The following LTBP1 variants were observed in gnomAD, a reference collection of about 807,000 sequenced individuals.
LTBP1 encodes latent transforming growth factor beta binding protein 1, also known as latent-transforming growth factor beta-binding protein 1.
Under a neutral mutation model 207.6 loss-of-function variants are expected in LTBP1, and 129 were observed. That is an observed-to-expected ratio of 0.62 (90% CI 0.54 to 0.72). LTBP1 has a LOEUF of 0.72. LTBP1 is among the 30% of genes least tolerant of loss of function. LTBP1 has a pLI of 0.00. For missense variants in LTBP1, 2,281 were observed against 2,217.2 expected (o/e 1.03, Z -0.58); for synonymous variants, 963 against 833.7 (o/e 1.16, Z -2.67).
intron 32 of LTBP1, among the ~76,000 whole-genome samples, chr2:33,396,450 G>GGCCTCAGGCGATCTGCCC (rs1385311345): frequency 6.6e-6 from 1 of 152,086 alleles, no homozygotes; most frequent in African/African-American, 2.4e-5. Flanking sequence ...TTGAACTCCT[G>GGCCTCAGGCGATCTGCCC]GCCTCAGGCG....
intron 31 of LTBP1, among the ~76,000 whole-genome samples, chr2:33,372,855 C>T (rs571874156): frequency 1.3e-5 from 2 of 152,214 alleles, no homozygotes; most frequent in Non-Finnish European, 2.9e-5. Context: ...CAGAGCAAGA[C>T]TTCATCTGAA....
intron 5 of LTBP1, among the ~76,000 whole-genome samples, chr2:33,161,421 C>T (rs1202456452): frequency 6.6e-6 from 1 of 152,102 alleles, no homozygotes; most frequent in African/African-American, 2.4e-5. Flanking sequence ...TGCCCGCCAC[C>T]ACACCCAGCT....
intron 24 of LTBP1, among the ~76,000 whole-genome samples, chr2:33,331,871 T>G (rs2094497873): frequency 6.6e-6 from 1 of 152,132 alleles, no homozygotes. Context: ...TTGAGAGTTT[T>G]GGGTTTTATT....
At chr2:33,133,270 A>G (rs542156529) in intron 4 of LTBP1, among the ~76,000 whole-genome samples, 1 of 152,296 alleles carries the variant, frequency 6.6e-6, no homozygotes, top group Non-Finnish European at 1.5e-5. Context: ...TGAAAATATA[A>G]TATTAGCCAA....
At chr2:33,248,287 T>C (rs2092573912) in intron 10 of LTBP1, among the ~76,000 whole-genome samples, 1 of 152,216 alleles carries the variant, frequency 6.6e-6, no homozygotes, top group Non-Finnish European at 1.5e-5. Flanking sequence ...AGATCTCTAT[T>C]GGATTTGTTC....
chr2:33,378,647 A>G (rs2095174477), intron 31 of LTBP1, among the ~76,000 whole-genome samples: 3 of 152,216 alleles, frequency 2.0e-5, no homozygotes, highest in Non-Finnish European at 4.4e-5. Context: ...TGAGAAAATC[A>G]CTGTGCATAA....
chr2:33,217,891 A>G (rs1020221268), intron 8 of LTBP1, among the ~76,000 whole-genome samples: 11 of 152,144 alleles, frequency 7.2e-5, no homozygotes, highest in East Asian at 1.9e-4. Context: ...ACTTATGGGG[A>G]AAAAAAGTCT....
chr2:33,300,092 T>C (rs1206975244), intron 20 of LTBP1, among the ~76,000 whole-genome samples: 1 of 152,234 alleles, frequency 6.6e-6, no homozygotes, highest in African/African-American at 2.4e-5. Context: ...CTGACTTCTT[T>C]CATGCAACTA....
chr2:33,392,241 A>C (rs2095321202), intron 32 of LTBP1, among the ~76,000 whole-genome samples: 1 of 151,750 alleles, frequency 6.6e-6, no homozygotes, highest in Admixed American at 6.6e-5. Flanking sequence ...CTGGAGTGCA[A>C]CGGTGCAATC....
chr2:33,136,029 G>C (rs77726719), intron 5 of LTBP1, among the ~76,000 whole-genome samples: 3 of 152,092 alleles, frequency 2.0e-5, no homozygotes, highest in Admixed American at 6.5e-5. Context: ...CAAAATAAAG[G>C]GACAGCTTGA....
intron 2 of LTBP1, among the ~76,000 whole-genome samples, chr2:32,969,228 T>TA (rs377701241): frequency 1.1e-5 from 1 of 94,164 alleles, no homozygotes; most frequent in Non-Finnish European, 2.2e-5. Flanking sequence ...ACCTGGCCAA[T>TA]TTGTGTGTGT....
chr2:33,361,278 C>A, intron 27 of LTBP1, 151 bp from the exon 28 acceptor site: 1 of 555,010 alleles, frequency 1.8e-6, no homozygotes, highest in South Asian at 2.5e-5. Context: ...GATTTCTTTG[C>A]ACTTAATCCA....
intron 24 of LTBP1, among the ~76,000 whole-genome samples, chr2:33,328,773 A>G (rs1343857239): frequency 6.6e-6 from 1 of 152,188 alleles, no homozygotes; most frequent in African/African-American, 2.4e-5. Flanking sequence ...CATTAGCTAC[A>G]TGTAATCATA....
chr2:33,174,719 A>AG (rs746412281), intron 5 of LTBP1, among the ~76,000 whole-genome samples: 87 of 152,342 alleles, frequency 5.7e-4, no homozygotes, highest in Non-Finnish European at 1.1e-3. Flanking sequence ...AGCCAAAAAA[A>AG]CAAAGCTGGA....
intron 31 of LTBP1, among the ~76,000 whole-genome samples, chr2:33,379,323 CCTCAGCCTCCTGA>C (rs1182265052): frequency 6.6e-6 from 1 of 151,740 alleles, no homozygotes; most frequent in Non-Finnish European, 1.5e-5. Context: ...AATTCTCCTG[CCTCAGCCTCCTGA>C]GGAGCTGGGA....
rs1270320077 is a variant in LTBP1 at position 33,217,619 on chromosome 2, G to C, written c.1769G>C (p.Gly590Ala). The change falls in exon 8 of 34, where the codon GGC (glycine) becomes GCC (alanine). Residue 590 changes from glycine (G) to alanine (A), a missense_variant. Physicochemically the swap from Gly to Ala is moderately conservative, Grantham distance 60. Transcript: ENST00000404816. ...DCCGTVGTSW[G>A]FNKCQKCPKK... The stretch of plus-strand genomic sequence containing the variant: ...TGTGGAACTGTGGGTACCTCCTGGG[G>C]CTTTAACAAATGCCAGAAATGCCCC... 6.2e-7 allele frequency: 1 copy of C among 1,613,784 alleles called. No individual in the cohort carries two copies. The highest frequency in any genetic ancestry group is 1.3e-5 in the African/African-American group (1 of 75,010).
In LTBP1 at chr2:33,384,335, T is replaced by C. The variant is rs141414409; in HGVS notation, c.4712-4849T>C. On this transcript the variant is annotated intron_variant, in intron 31 of 33. Transcript: ENST00000404816. Reference sequence around the variant, plus strand: ...ACGGCGTCCCATAGCATCCCTTATGTATCTTTCATAGCTTTGATCAAGAGC... The same window carrying C: ...ACGGCGTCCCATAGCATCCCTTATGCATCTTTCATAGCTTTGATCAAGAGC... Among the ~76,000 whole-genome samples, 1,328 of 152,370 alleles carry C rather than the reference T, an allele frequency of 8.7e-3. 6 individuals are homozygous for C. Among genetic ancestry groups the C allele is most frequent in the Middle Eastern group, 0.02 (6 of 294 alleles).
chr2:33,378,352 A>G (rs2095170629), intron 31 of LTBP1, among the ~76,000 whole-genome samples: 1 of 151,726 alleles, frequency 6.6e-6, no homozygotes, highest in African/African-American at 2.4e-5. Context: ...CAGCCTCCCG[A>G]GTAGCTGGGA....
chr2:33,251,047 G>A (rs1185494000), intron 10 of LTBP1, among the ~76,000 whole-genome samples: 2 of 152,082 alleles, frequency 1.3e-5, no homozygotes, highest in Non-Finnish European at 2.9e-5. Context: ...CCCAAGAATT[G>A]GCCCACTTGG....
Sources: allele counts gnomAD v4.1 joint callset (sites outside exome capture counted in the v4.1 genomes callset), GRCh38; gene constraint gnomAD v4.1.1; transcripts MANE v1.5; gene names NCBI Gene and HGNC (gene_info 2026-07-23, HGNC 2026-07-21).